PPP2R2B: variants seen among roughly 807,000 people sequenced by gnomAD.
The protein encoded by PPP2R2B is serine/threonine-protein phosphatase 2A 55 kDa regulatory subunit B beta isoform.
PPP2R2B carries 5 observed loss-of-function variants against 46.0 expected under a neutral mutation model. The ratio of observed to expected loss-of-function variants is 0.11; its 90% CI spans 0.06 to 0.23. PPP2R2B has a LOEUF of 0.23. Ranked by LOEUF, PPP2R2B falls within the 10% of genes least tolerant of loss-of-function variation. The pLI, the probability that PPP2R2B is intolerant of heterozygous loss-of-function variation, is 1.00. For missense variants in PPP2R2B, 367 were observed against 575.0 expected (o/e 0.64, Z 3.70); for synonymous variants, 215 against 206.7 (o/e 1.04, Z -0.34).
At chr5:147,059,927 T>C (rs1427644956), upstream of PPP2R2B, among the ~76,000 whole-genome samples, 1 of 152,154 alleles carries the variant, frequency 6.6e-6, no homozygotes, top group Non-Finnish European at 1.5e-5. Context: ...GCCCACGTCT[T>C]ACAGAAAAGT....
chr5:147,050,694 C>A (rs901148723), intron 1 of PPP2R2B, among the ~76,000 whole-genome samples: 1 of 150,990 alleles, frequency 6.6e-6, no homozygotes, highest in African/African-American at 2.4e-5. Context: ...ACACACGCAT[C>A]CATACCTACA....
intron 1 of PPP2R2B, among the ~76,000 whole-genome samples, chr5:146,928,776 C>T (rs894609646): frequency 2.0e-5 from 3 of 152,146 alleles, no homozygotes; most frequent in Non-Finnish European, 4.4e-5. Context: ...GTTTTCTACT[C>T]AAAACATTCT....
chr5:146,956,470 GA>G (rs1315555899), intron 1 of PPP2R2B, among the ~76,000 whole-genome samples: 2 of 152,074 alleles, frequency 1.3e-5, no homozygotes, highest in Non-Finnish European at 2.9e-5. Context: ...TGATCTTGGG[GA>G]AAAATATATC....
intron 2 of PPP2R2B, among the ~76,000 whole-genome samples, chr5:146,822,535 G>GTTTTTTTTTT (rs368081191): frequency 2.4e-5 from 3 of 125,300 alleles, no homozygotes; most frequent in African/African-American, 2.9e-5. Context: ...TTCATTTTTG[G>GTTTTTTTTTT]TTTTTTTTTT....
At chr5:146,782,869 G>A (rs886826323) in intron 2 of PPP2R2B, among the ~76,000 whole-genome samples, 4 of 152,036 alleles carry the variant, frequency 2.6e-5, no homozygotes, top group African/African-American at 2.4e-5. Context: ...GAAACAGAGG[G>A]GGAAGGAAGG....
intron 7 of PPP2R2B, among the ~76,000 whole-genome samples, chr5:146,623,612 C>T (rs564436940): frequency 6.6e-6 from 1 of 152,238 alleles, no homozygotes; most frequent in East Asian, 1.9e-4. Context: ...TCAAATGGCA[C>T]AAAAAATGTC....
chr5:147,045,576 C>G (rs377259787), intron 1 of PPP2R2B, among the ~76,000 whole-genome samples: 68 of 152,270 alleles, frequency 4.5e-4, no homozygotes, highest in Middle Eastern at 3.4e-3. Context: ...GAGTGCTAAT[C>G]TGCTCTTAGC....
At chr5:146,715,897 T>C (rs1347665863) in intron 2 of PPP2R2B, among the ~76,000 whole-genome samples, 1 of 152,168 alleles carries the variant, frequency 6.6e-6, no homozygotes, top group Non-Finnish European at 1.5e-5. Flanking sequence ...GTGTATCTTC[T>C]GGGCTCAGTC....
At chr5:146,702,287 C>T (rs1779586527) in intron 2 of PPP2R2B, among the ~76,000 whole-genome samples, 1 of 152,162 alleles carries the variant, frequency 6.6e-6, no homozygotes, top group Non-Finnish European at 1.5e-5. Flanking sequence ...CTCCACTTCA[C>T]ATATAACTGT....
At chr5:146,970,316 A>G (rs542704862) in intron 1 of PPP2R2B, among the ~76,000 whole-genome samples, 1 of 152,172 alleles carries the variant, frequency 6.6e-6, no homozygotes, top group East Asian at 1.9e-4. Flanking sequence ...AGAAGGGAAG[A>G]CCAGCCGGGT....
At chr5:146,703,390 CTT>C (rs1267945147) in intron 2 of PPP2R2B, among the ~76,000 whole-genome samples, 8 of 152,124 alleles carry the variant, frequency 5.3e-5, no homozygotes, top group South Asian at 4.1e-4. Context: ...ATGCCTGGCT[CTT>C]GTCTCAGAGC....
intron 2 of PPP2R2B, 149 bp downstream of exon 2, chr5:146,877,853 C>A: frequency 1.1e-6 from 1 of 896,614 alleles, no homozygotes. Flanking sequence ...ATGCGAGGTG[C>A]ACTGGGGCTG....
chr5:146,784,057 CA>C (rs1486298867), intron 2 of PPP2R2B, among the ~76,000 whole-genome samples: 1 of 152,136 alleles, frequency 6.6e-6, no homozygotes, highest in African/African-American at 2.4e-5. Flanking sequence ...TGGAGTACCC[CA>C]AAATCTTATG....
In PPP2R2B at chr5:146,688,179, G is replaced by T. The variant is rs542521561; in HGVS notation, c.447+2949C>A. Among the ~76,000 whole-genome samples, 12 of 152,080 alleles carry T rather than the reference G, an allele frequency of 7.9e-5. No homozygotes were observed. The South Asian group carries it at 2.5e-3, about 32-fold the overall frequency. On this transcript the variant is annotated intron_variant, in intron 5 of 9. Coordinates refer to ENST00000394411, the MANE Select transcript of PPP2R2B (RefSeq NM_181675.4). ...GAAATGCAGGATATTTGAGAGCCTA[G>T]GAAAGGAGAGGAGGTAAATACAGAT...
intron 2 of PPP2R2B, among the ~76,000 whole-genome samples, chr5:146,816,272 G>C (rs1050403552): frequency 1.3e-5 from 2 of 152,106 alleles, no homozygotes; most frequent in East Asian, 3.9e-4. Flanking sequence ...GGGCATGGCA[G>C]CACAAGCCTG....
At position 147,046,005 on chromosome 5, in the gene PPP2R2B, G is replaced by T. The variant is rs140402361; in HGVS notation, c.79+9660C>A. Among the ~76,000 whole-genome samples, 710 of 152,170 alleles carry T rather than the reference G, an allele frequency of 4.7e-3. 3 individuals carry two copies. The highest frequency in any genetic ancestry group is 0.016 in the African/African-American group (677 of 41,516). On this transcript the variant is annotated intron_variant, in intron 1 of 8. Coordinates refer to the PPP2R2B transcript ENST00000336640. ...GCATAATAAAGCCTCGTTAGATCTT[G>T]TCCTAATGTCATATCCTCTCCACTG... is the stretch of plus-strand genomic sequence containing the variant.
At chr5:146,667,204 G>A (rs1777038011) in intron 5 of PPP2R2B, among the ~76,000 whole-genome samples, 1 of 152,082 alleles carries the variant, frequency 6.6e-6, no homozygotes, top group African/African-American at 2.4e-5. Context: ...TTCCTCAATG[G>A]CTGAGCTGAA....
chr5:146,957,564 CAAAT>C (rs966574083), intron 1 of PPP2R2B, among the ~76,000 whole-genome samples: 15 of 152,120 alleles, frequency 9.9e-5, no homozygotes, highest in Admixed American at 9.2e-4. Context: ...GGGATATAAA[CAAAT>C]AAATACATCT....
At chr5:146,977,773 T>C (rs1207033923) in intron 1 of PPP2R2B, among the ~76,000 whole-genome samples, 2 of 152,190 alleles carry the variant, frequency 1.3e-5, no homozygotes, top group Admixed American at 6.5e-5. Flanking sequence ...TCCAGTCTAC[T>C]GTTGATGGGC....
Sources: allele counts gnomAD v4.1 joint callset (sites outside exome capture counted in the v4.1 genomes callset), GRCh38; gene constraint gnomAD v4.1.1; transcripts MANE v1.5; gene names NCBI Gene and HGNC (gene_info 2026-07-23, HGNC 2026-07-21).